Variants in HTRA3 observed in about 807,000 individuals in gnomAD.
The protein encoded by HTRA3 is HtrA serine peptidase 3, also known as serine protease HTRA3.
A neutral mutation model predicts 43.2 loss-of-function variants in HTRA3; 41 were observed. The observed-to-expected ratio is 0.95, with a 90% CI of 0.74 to 1.23. HTRA3 has a LOEUF of 1.23. Ranked by LOEUF, HTRA3 falls within the 50% of genes most tolerant of loss-of-function variation. The pLI, the probability that HTRA3 is intolerant of heterozygous loss-of-function variation, is 0.00. For missense variants in HTRA3, 628 were observed against 647.1 expected (o/e 0.97, Z 0.32); for synonymous variants, 295 against 287.9 (o/e 1.02, Z -0.25).
At chr4:8,273,534 C>G (rs13105257) in intron 1 of HTRA3, among the ~76,000 whole-genome samples, 43,609 of 149,624 alleles carry the variant, frequency 0.29, 6,697 homozygotes, top group South Asian at 0.49. Context: ...CCCCCCGCAC[C>G]CCCGCCCCAG....
intron 2 of HTRA3, among the ~76,000 whole-genome samples, chr4:8,285,159 C>T (rs537745372): frequency 1.3e-5 from 2 of 152,166 alleles, no homozygotes; most frequent in Non-Finnish European, 2.9e-5. Flanking sequence ...AAAGACAACA[C>T]AGACACACTC....
intron 5 of HTRA3, among the ~76,000 whole-genome samples, 186 bp downstream of exon 5, chr4:8,292,539 A>T (rs1713289711): frequency 6.6e-6 from 1 of 152,186 alleles, no homozygotes; most frequent in African/African-American, 2.4e-5. Flanking sequence ...CGCCTCGGGG[A>T]TGCTAGTGGC....
In HTRA3 at chr4:8,269,972, C is replaced by G; in HGVS notation, c.4C>G (p.Gln2Glu). M[Q>E]ARALLLAALA... ...ACCCGCCGCCGGCCCTGCCGCCATG[C>G]AGGCGCGAGCGCTGCTCCTGGCCGC... Residue 2 changes from glutamine to glutamate, a missense_variant, in exon 1 of 9, where the codon CAG becomes GAG. Coordinates refer to ENST00000307358, the MANE Select transcript of HTRA3 (RefSeq NM_053044.5). The G allele has an allele frequency of 8.5e-7, 1 of 1,179,824 alleles. No homozygotes were observed. The highest frequency in any genetic ancestry group is 1.0e-6 in the Non-Finnish European group (1 of 956,094). 73.1% of individuals were successfully genotyped at this position (1,179,824 alleles called of 1,614,324 possible).
Position 8,269,963 on chromosome 4 carries a change from GCCGC to G in HTRA3, c.-4_-1del. 1.7e-6 allele frequency: 2 copies of G among 1,149,586 alleles called. No homozygotes were observed. The highest frequency in any genetic ancestry group is 2.1e-6 in the Non-Finnish European group (2 of 935,946). 71.2% of individuals were successfully genotyped at this position (1,149,586 alleles called of 1,614,324 possible). On this transcript the variant is annotated 5_prime_UTR_variant, in exon 1 of 9. Transcript: ENST00000307358. ...CGCGCTGCCACCCGCCGCCGGCCCT[GCCGC>G]CATGCAGGCGCGAGCGCTGCTCCTG...
Position 8,270,353 on chromosome 4 carries a change from G to C in HTRA3, c.385G>C (p.Gly129Arg). The C allele has an allele frequency of 7.1e-7, 1 of 1,406,136 alleles. No homozygotes were observed. The highest frequency in any genetic ancestry group is 9.2e-7 in the Non-Finnish European group (1 of 1,086,412). 87.1% of individuals were successfully genotyped at this position (1,406,136 alleles called of 1,614,324 possible). A position where few individuals can be genotyped will look rare whatever the true frequency, so the allele number is the denominator to read the frequency against. ...GCTGCAGAAGGGCGCCTGCCCGTTGGGTAAGCGCTCGGGGGCCAGGGAGGA... is the reference window on the plus strand; with the variant it reads ...GCTGCAGAAGGGCGCCTGCCCGTTGCGTAAGCGCTCGGGGGCCAGGGAGGA... ...RQLQKGACPL[G>R]LHQLSSPRYK... The change falls in exon 1 of 9, where the codon GGT (glycine) becomes CGT (arginine). Residue 129 changes from glycine to arginine, a missense_variant and splice_region_variant. Coordinates refer to ENST00000307358, the MANE Select transcript of HTRA3 (RefSeq NM_053044.5).
chr4:8,279,073 G>A lies in HTRA3; in HGVS notation c.386-3364G>A, dbSNP rs898934517. On this transcript the variant is annotated intron_variant, in intron 1 of 8. Transcript: ENST00000307358. The surrounding 1 kb of genome is among the most constrained non-coding windows in gnomAD (Gnocchi z 7.4). ...TCACCCTGTGCTGGTTACCACTGGGGTGTGGAAGCGAACCAGATGGTCTCT... is the reference window on the plus strand; with the variant it reads ...TCACCCTGTGCTGGTTACCACTGGGATGTGGAAGCGAACCAGATGGTCTCT... 1.3e-5 allele frequency among the ~76,000 whole-genome samples: 2 copies of A among 151,982 alleles called. No individual in the cohort carries two copies. Among genetic ancestry groups the A allele is most frequent in the Admixed American group, 1.3e-4 (2 of 15,260 alleles).
rs2153004387 is a variant in HTRA3, at chr4:8,279,929, T to C, written c.386-2508T>C. Among the ~76,000 whole-genome samples, 1 of 152,318 alleles carries C rather than the reference T, an allele frequency of 6.6e-6. No individual in the cohort carries two copies. Among genetic ancestry groups the C allele is most frequent in the South Asian group, 2.1e-4 (1 of 4,832 alleles). On this transcript the variant is annotated intron_variant, in intron 1 of 8. Coordinates refer to ENST00000307358, the MANE Select transcript of HTRA3 (RefSeq NM_053044.5). The surrounding 1 kb of genome is among the most constrained non-coding windows in gnomAD (Gnocchi z 7.4). ...GCTGAACCACTGTGTCTCCAGCAGCTGTCACAGGTGGGCACACAGGAGGCA... is the reference window on the plus strand; with the variant it reads ...GCTGAACCACTGTGTCTCCAGCAGCCGTCACAGGTGGGCACACAGGAGGCA...
At position 8,306,193 on chromosome 4, in the gene HTRA3, C is replaced by T. The variant is rs867168106; in HGVS notation, c.*57C>T. The T allele has an allele frequency of 6.7e-7, 1 of 1,499,176 alleles. No homozygotes were observed. The highest frequency in any genetic ancestry group is 8.9e-7 in the Non-Finnish European group (1 of 1,118,414). 92.9% of individuals were successfully genotyped at this position (1,499,176 alleles called of 1,614,324 possible). Reference sequence around the variant, plus strand: ...GCCTGCAGACAACGGAGGGCAGCGCCCCCCCGAGATCAGGACGAAGGACCA... The same window carrying T: ...GCCTGCAGACAACGGAGGGCAGCGCTCCCCCGAGATCAGGACGAAGGACCA... On this transcript the variant is annotated 3_prime_UTR_variant, in exon 9 of 9. Coordinates refer to ENST00000307358, the MANE Select transcript of HTRA3 (RefSeq NM_053044.5). The surrounding 1 kb of genome is among the most constrained non-coding windows in gnomAD (Gnocchi z 8.9).
At chr4:8,275,669 C>A (rs775529374) in intron 1 of HTRA3, among the ~76,000 whole-genome samples, 8 of 152,204 alleles carry the variant, frequency 5.3e-5, no homozygotes, top group Non-Finnish European at 1.2e-4. Context: ...GAACACCTTC[C>A]GCCCAGGCTT....
rs1434503623 is a variant in HTRA3 at position 8,306,250 on chromosome 4, C to T, written c.*114C>T. ...GTCCTCAGCAGGGCGGCAGCCTCCT[C>T]CTGGCTGTCCGGGGCAGAGCGGAGG... On this transcript the variant is annotated 3_prime_UTR_variant, in exon 9 of 9. Transcript: ENST00000307358. This position sits in a 1 kb window ranked among gnomAD's most constrained non-coding sequence, Gnocchi z 8.9. 6.9e-6 allele frequency: 8 copies of T among 1,162,076 alleles called. No individual in the cohort carries two copies. The East Asian group carries it at 1.6e-4, about 23-fold the overall frequency. The allele number at this position is 1,162,076 out of a possible 1,614,324, so 72.0% of individuals were successfully genotyped here.
chr4:8,299,552 G>A (rs1713566998), intron 6 of HTRA3, among the ~76,000 whole-genome samples: 1 of 152,024 alleles, frequency 6.6e-6, no homozygotes. Flanking sequence ...TGTCCCGTTC[G>A]TGATCTTGGG....
intron 6 of HTRA3, 40 bp from the exon 7 acceptor site, chr4:8,302,423 A>G (rs1560143903): frequency 6.2e-7 from 1 of 1,608,038 alleles, no homozygotes; most frequent in South Asian, 1.1e-5. Context: ...GTGGCTTTTC[A>G]CAGCAGCCCT....
rs750740009 is a variant in HTRA3 at position 8,286,246 on chromosome 4, C to T, written c.486-315C>T. On this transcript the variant is annotated intron_variant, in intron 2 of 8. Transcript: ENST00000307358. The surrounding 1 kb of genome is among the most constrained non-coding windows in gnomAD (Gnocchi z 4.9). ...GGGATTAGCATCCTGGTCTGTCTGG[C>T]TCCGTGCTCCGTAGTCAGGATGGCG... 3.9e-5 allele frequency among the ~76,000 whole-genome samples: 6 copies of T among 152,212 alleles called. No individual in the cohort carries two copies. Among genetic ancestry groups the T allele is most frequent in the Non-Finnish European group, 8.8e-5 (6 of 68,038 alleles).
chr4:8,288,903 T>G (rs959489129), intron 3 of HTRA3, among the ~76,000 whole-genome samples: 1 of 142,306 alleles, frequency 7.0e-6, no homozygotes, highest in Non-Finnish European at 1.5e-5. Context: ...CCGTCCGTCC[T>G]TCCTTCCTTC....
chr4:8,294,990 C>T (rs1713406455), intron 6 of HTRA3, among the ~76,000 whole-genome samples: 1 of 151,932 alleles, frequency 6.6e-6, no homozygotes, highest in Admixed American at 6.6e-5. Flanking sequence ...ATCCATCCAT[C>T]CATCTACTCA....
At chr4:8,284,395 G>A (rs115988495) in intron 2 of HTRA3, among the ~76,000 whole-genome samples, 3,424 of 152,268 alleles carry the variant, frequency 0.022, 59 homozygotes, top group Middle Eastern at 0.061. Context: ...ACTCCAGCCC[G>A]GCTGGGAGGC....
intron 1 of HTRA3, 59 bp downstream of exon 1, chr4:8,270,412 C>G: frequency 7.4e-7 from 1 of 1,359,350 alleles, no homozygotes; most frequent in Non-Finnish European, 9.4e-7. Context: ...AAACTAAGGC[C>G]GGGAGTTAGG....
Position 8,291,451 on chromosome 4 carries a change from G to A in HTRA3, c.790G>A (p.Ala264Thr), listed in dbSNP as rs772344245. ...EFVVAIGSPF[A>T]LQNTVTTGIV... ...TGTGGTGGCCATCGGCAGTCCCTTCGCCCTACAGAACACAGTGACAACGGG... is the reference window on the plus strand; with the variant it reads ...TGTGGTGGCCATCGGCAGTCCCTTCACCCTACAGAACACAGTGACAACGGG... The change falls in exon 4 of 9, where the codon GCC (alanine) becomes ACC (threonine). Residue 264 changes from alanine (A) to threonine (T), a missense_variant. Transcript: ENST00000307358. The A allele has an allele frequency of 3.4e-5, 55 of 1,613,000 alleles. No individual in the cohort carries two copies. The highest frequency in any genetic ancestry group is 1.8e-4 in the East Asian group (8 of 44,896).
In HTRA3 at chr4:8,297,753, C is replaced by T. The variant is rs905693484; in HGVS notation, c.1051+3552C>T. Among the ~76,000 whole-genome samples, 6 of 152,092 alleles carry T rather than the reference C, an allele frequency of 3.9e-5. No individual in the cohort carries two copies. The highest frequency in any genetic ancestry group is 7.4e-5 in the Non-Finnish European group (5 of 67,992). On this transcript the variant is annotated intron_variant, in intron 6 of 8. Coordinates refer to ENST00000307358, the MANE Select transcript of HTRA3 (RefSeq NM_053044.5). This position sits in a 1 kb window ranked among gnomAD's most constrained non-coding sequence, Gnocchi z 5.8. ...GGATCCCACCCCCTGGATTTAGAAG[C>T]CACCTAGAGAGTGATCCCCCGGATT...
Sources: gnomAD v4.1 joint callset for allele counts (sites outside exome capture counted in the v4.1 genomes callset) on GRCh38, gnomAD v4.1.1 for gene constraint, Gnocchi (gnomAD v3.1) non-coding constraint, MANE v1.5 for transcripts, NCBI Gene and HGNC (gene_info 2026-07-23, HGNC 2026-07-21) for gene names.